The following FLT1 variants were observed in gnomAD, a reference collection of about 807,000 sequenced individuals.
FLT1 encodes vascular endothelial growth factor receptor 1.
In FLT1, 49 loss-of-function variants were observed where a neutral mutation model predicts 156.3. That is an observed-to-expected ratio of 0.31 (90% confidence interval 0.25 to 0.40). The LOEUF (loss-of-function observed/expected upper bound fraction) is 0.40, where lower values mean the gene tolerates loss of function less well. Among genes scored for constraint, FLT1 ranks in the 10% least tolerant of loss-of-function variants. The probability of loss-of-function intolerance (pLI) is 1.00; values close to 1 mark genes in which losing one functional copy is unlikely to be tolerated. For missense variants in FLT1, 1,322 were observed against 1,637.2 expected, an observed-to-expected ratio of 0.81 and a Z score of 3.32; for synonymous variants, 594 against 583.8, an observed-to-expected ratio of 1.02 and a Z score of -0.25.
At chr13:28,429,918 A>T (rs745799365) in intron 8 of FLT1, 132 bp downstream of exon 8, 165 of 756,348 alleles carry the variant, frequency 2.2e-4, no homozygotes, top group Non-Finnish European at 3.4e-4. Flanking sequence ...GAATCTACAG[A>T]GTTCTGAGCT....
At chr13:28,313,357 C>T (rs571592943) in intron 25 of FLT1, among the ~76,000 whole-genome samples, 9 of 152,274 alleles carry the variant, frequency 5.9e-5, no homozygotes, top group Admixed American at 2.6e-4. Flanking sequence ...CTGTACCTAC[C>T]GCCCTCTCTG....
At chr13:28,335,496 T>C (rs1264819454) in intron 17 of FLT1, among the ~76,000 whole-genome samples, 1 of 152,208 alleles carries the variant, frequency 6.6e-6, no homozygotes, top group Admixed American at 6.5e-5. Context: ...CCTCATCATA[T>C]TAGAACCTTT....
chr13:28,474,754 A>G (rs1458294244), intron 1 of FLT1, among the ~76,000 whole-genome samples: 1 of 152,166 alleles, frequency 6.6e-6, no homozygotes, highest in Non-Finnish European at 1.5e-5. Flanking sequence ...TGATGGTTGC[A>G]CAACTCTTGA....
At chr13:28,332,285 T>C (rs951790402) in intron 18 of FLT1, among the ~76,000 whole-genome samples, 6 of 152,104 alleles carry the variant, frequency 3.9e-5, no homozygotes, top group Non-Finnish European at 7.4e-5. Context: ...CATCTCCCTA[T>C]AACCCTTTCC....
At chr13:28,401,287 GC>G (rs1875417492) in intron 11 of FLT1, among the ~76,000 whole-genome samples, 1 of 152,118 alleles carries the variant, frequency 6.6e-6, no homozygotes, top group African/African-American at 2.4e-5. Flanking sequence ...TACTGCTTTT[GC>G]TTTTTGTGGT....
intron 11 of FLT1, among the ~76,000 whole-genome samples, chr13:28,403,046 G>A (rs1489442067): frequency 2.0e-5 from 3 of 152,134 alleles, no homozygotes; most frequent in African/African-American, 4.8e-5. Flanking sequence ...GTAGGTGATC[G>A]GCTTACCAAA....
At chr13:28,391,125 A>T (rs1874687423) in intron 12 of FLT1, among the ~76,000 whole-genome samples, 1 of 152,238 alleles carries the variant, frequency 6.6e-6, no homozygotes, top group Non-Finnish European at 1.5e-5. Flanking sequence ...GAGTTGCCAG[A>T]TTCTAAAATG....
rs1286964931 is a variant in FLT1, at chr13:28,311,746, G to C, written c.3493-14C>G. 6.2e-7 allele frequency: 1 copy of C among 1,613,740 alleles called. No homozygotes were observed. The highest frequency in any genetic ancestry group is 1.7e-5 in the Admixed American group (1 of 60,004). ...GTCTTTACCATCCTAAAATACCAAAGGTAGAGCTCTCGTTGCACCAATTCT... is the reference window on the plus strand; with the variant it reads ...GTCTTTACCATCCTAAAATACCAAACGTAGAGCTCTCGTTGCACCAATTCT... On this transcript the variant is annotated splice_polypyrimidine_tract_variant and intron_variant, in intron 26 of 29. Coordinates refer to ENST00000282397, the MANE Select transcript of FLT1 (RefSeq NM_002019.4).
intron 29 of FLT1, 130 bp from the exon 30 acceptor site, chr13:28,303,498 C>CCA (rs1555297832): frequency 1.3e-6 from 1 of 797,794 alleles, no homozygotes; most frequent in East Asian, 2.7e-5. Context: ...TGGAACCCCC[C>CCA]CCCCCTCAAT....
At chr13:28,385,175 A>G in intron 13 of FLT1, 144 bp from the exon 14 acceptor site, 2 of 833,726 alleles carry the variant, frequency 2.4e-6, no homozygotes, top group South Asian at 3.1e-5. Flanking sequence ...CTCTTCAATC[A>G]TTAACCTGCT....
rs1870886456 is a variant in FLT1, at chr13:28,309,261, T to C, written c.3636-334A>G. ...CCAATGGCACAGGAGAGAAATGATG[T>C]GCAGGGAAGTGGTATGACTTTATCA... On this transcript the variant is annotated intron_variant, in intron 27 of 29. Transcript: ENST00000282397. Among the ~76,000 whole-genome samples the C allele has an allele frequency of 5.3e-5, 8 of 152,342 alleles. No homozygotes were observed. The South Asian group carries it at 1.7e-3, about 32-fold the overall frequency.
chr13:28,440,283 C>T (rs1472793041), intron 3 of FLT1, among the ~76,000 whole-genome samples: 5 of 152,132 alleles, frequency 3.3e-5, no homozygotes, highest in African/African-American at 7.2e-5. Flanking sequence ...AATGAGTGAA[C>T]GGGTATCCAA....
chr13:28,327,294 G>A (rs1871722984), intron 20 of FLT1, among the ~76,000 whole-genome samples, 168 bp downstream of exon 20: 1 of 152,190 alleles, frequency 6.6e-6, no homozygotes, highest in African/African-American at 2.4e-5. Context: ...ACACTAGAGT[G>A]TAACAGATTA....
rs150743510 is a variant in FLT1 at position 28,306,816 on chromosome 13, G to A, written c.3721-44C>T. ...AGGTTATACTCTTGCCTGGCCCAGC[G>A]GGGGTCCATGCTGAGCCTGAGGGAT... On this transcript the variant is annotated intron_variant, in intron 28 of 29. Transcript: ENST00000282397. 569 of 1,325,662 alleles carry A rather than the reference G, an allele frequency of 4.3e-4. 1 individual carries two copies. Among genetic ancestry groups the A allele is most frequent in the African/African-American group, 6.6e-4 (46 of 69,540 alleles). The allele number at this position is 1,325,662 out of a possible 1,614,324, so 82.1% of individuals were successfully genotyped here.
chr13:28,412,325 C>CT (rs754727352), intron 10 of FLT1, among the ~76,000 whole-genome samples: 28,004 of 74,108 alleles, frequency 0.38, 4,939 homozygotes, highest in East Asian at 0.51. Context: ...TTCTTTCTTT[C>CT]TTTCTTTTCT....
chr13:28,352,601 A>G (rs1318073437), intron 15 of FLT1, among the ~76,000 whole-genome samples: 2 of 152,154 alleles, frequency 1.3e-5, no homozygotes, highest in African/African-American at 4.8e-5. Context: ...GGCCAGCTTT[A>G]TGTCACTGGT....
chr13:28,476,641 A>G (rs981269260), intron 1 of FLT1, among the ~76,000 whole-genome samples: 3 of 152,220 alleles, frequency 2.0e-5, no homozygotes, highest in Non-Finnish European at 2.9e-5. Flanking sequence ...GTAATCCTCA[A>G]ACTATTAGAT....
intron 10 of FLT1, among the ~76,000 whole-genome samples, chr13:28,411,216 A>G (rs377077182): frequency 1.3e-5 from 2 of 152,116 alleles, no homozygotes; most frequent in South Asian, 2.1e-4. Context: ...GTGAAATTAT[A>G]GGAACTCTTT....
chr13:28,387,960 G>T (rs1231207385), intron 13 of FLT1: 3 of 1,061,504 alleles, frequency 2.8e-6, no homozygotes, highest in South Asian at 4.6e-5. Flanking sequence ...GCAAACAGGG[G>T]AAGGAAATGG....
Sources: allele counts gnomAD v4.1 joint callset (sites outside exome capture counted in the v4.1 genomes callset), GRCh38; gene constraint gnomAD v4.1.1; transcripts MANE v1.5; gene names NCBI Gene and HGNC (gene_info 2026-07-23, HGNC 2026-07-21).